Variants in DPP10 observed in about 807,000 individuals in gnomAD.
The protein encoded by DPP10 is inactive dipeptidyl peptidase 10.
DPP10 carries 33 observed loss-of-function variants against 120.9 expected under a neutral mutation model. The observed-to-expected ratio is 0.27, with a 90% CI of 0.21 to 0.37. The LOEUF (loss-of-function observed/expected upper bound fraction) is 0.37, where lower values mean the gene tolerates loss of function less well. Ranked by LOEUF, DPP10 falls within the 10% of genes least tolerant of loss-of-function variation. DPP10 has a pLI of 1.00. For synonymous variants in DPP10, 337 were observed against 326.1 expected (o/e 1.03, Z -0.36); for missense variants, 816 against 942.8 (o/e 0.87, Z 1.76).
chr2:114,957,484 T>G (rs1698299317), intron 1 of DPP10, among the ~76,000 whole-genome samples: 1 of 152,114 alleles, frequency 6.6e-6, no homozygotes, highest in Admixed American at 6.5e-5. Flanking sequence ...GGGGAAACTT[T>G]GTTGTTGGTG....
chr2:114,455,094 G>T (rs1166359757), intron 1 of DPP10, among the ~76,000 whole-genome samples: 3 of 151,254 alleles, frequency 2.0e-5, no homozygotes, highest in Admixed American at 6.6e-5. Flanking sequence ...TCCAGAAGAC[G>T]ATATCACTAT....
intron 1 of DPP10, among the ~76,000 whole-genome samples, chr2:114,721,508 A>G (rs71418512): frequency 0.043 from 6,555 of 152,322 alleles, 167 homozygotes; most frequent in South Asian, 0.094. Flanking sequence ...GCAAAGAAGC[A>G]TAACTGACTT....
At chr2:114,785,250 A>AT (rs34861451) in intron 1 of DPP10, among the ~76,000 whole-genome samples, 58,748 of 147,832 alleles carry the variant, frequency 0.4, 11,689 homozygotes, top group African/African-American at 0.45. Context: ...GCTTTGCTGG[A>AT]TTTTTTTTTT....
At chr2:115,307,296 T>G (rs1487699787) in intron 1 of DPP10, among the ~76,000 whole-genome samples, 1 of 152,062 alleles carries the variant, frequency 6.6e-6, no homozygotes, top group Non-Finnish European at 1.5e-5. Context: ...AAAAACACAG[T>G]CAAAAGTCAT....
At chr2:115,428,228 T>A (rs987737592) in intron 3 of DPP10, among the ~76,000 whole-genome samples, 1 of 152,220 alleles carries the variant, frequency 6.6e-6, no homozygotes. Flanking sequence ...CCTGTCTTCT[T>A]CTGAACCCTC....
chr2:115,435,187 A>T (rs2071382190), intron 3 of DPP10, among the ~76,000 whole-genome samples: 1 of 151,762 alleles, frequency 6.6e-6, no homozygotes, highest in Admixed American at 6.6e-5. Context: ...TTCCTTTCTT[A>T]GGCTGTGTAC....
chr2:115,683,037 G>T (rs1034353711), intron 5 of DPP10, among the ~76,000 whole-genome samples: 23 of 151,664 alleles, frequency 1.5e-4, no homozygotes, highest in African/African-American at 5.6e-4. Flanking sequence ...GTTTTGTGAC[G>T]GTCAGTTTTG....
rs571945291 is a variant in DPP10, at chr2:115,345,905, G to A, written c.271+1993G>A. Among the ~76,000 whole-genome samples, 230 of 152,000 alleles carry A rather than the reference G, an allele frequency of 1.5e-3. 1 individual carries two copies. The highest frequency in any genetic ancestry group is 2.5e-3 in the Admixed American group (38 of 15,252). On this transcript the variant is annotated intron_variant, in intron 3 of 25. Transcript: ENST00000410059. Reference sequence around the variant, plus strand: ...AAATTTGATCCTAAGAAGGCATCTGGGACAAAGCTGCAGTGTTATTATAAT... The same window carrying A: ...AAATTTGATCCTAAGAAGGCATCTGAGACAAAGCTGCAGTGTTATTATAAT...
chr2:115,143,267 T>C (rs963553242), intron 1 of DPP10, among the ~76,000 whole-genome samples: 6 of 152,290 alleles, frequency 3.9e-5, no homozygotes, highest in Admixed American at 1.3e-4. Context: ...TTATACCTAC[T>C]GGTAAAGTCC....
intron 1 of DPP10, among the ~76,000 whole-genome samples, chr2:114,716,433 A>G (rs1248263762): frequency 6.6e-6 from 1 of 152,208 alleles, no homozygotes; most frequent in Non-Finnish European, 1.5e-5. Flanking sequence ...CGAAAACAAT[A>G]ATGTAATACC....
chr2:115,570,978 G>A (rs2081304613), intron 5 of DPP10, among the ~76,000 whole-genome samples: 1 of 152,086 alleles, frequency 6.6e-6, no homozygotes, highest in Non-Finnish European at 1.5e-5. Context: ...GGAGTCGGTG[G>A]GCATTAACCA....
At chr2:115,817,030 T>C (rs955701017) in intron 21 of DPP10, among the ~76,000 whole-genome samples, 19 of 151,114 alleles carry the variant, frequency 1.3e-4, no homozygotes, top group Non-Finnish European at 2.2e-4. Context: ...GGGAGGATCA[T>C]GAGGTCAGGA....
intron 7 of DPP10, among the ~76,000 whole-genome samples, chr2:115,691,876 T>G (rs924782762): frequency 6.6e-6 from 1 of 152,150 alleles, no homozygotes; most frequent in African/African-American, 2.4e-5. Flanking sequence ...AATTTACACT[T>G]TATCATTTTG....
At chr2:114,442,993 ATGTGTG>A (rs1204585106) in intron 1 of DPP10, among the ~76,000 whole-genome samples, 155 bp downstream of exon 1, 2 of 151,948 alleles carry the variant, frequency 1.3e-5, no homozygotes, top group Non-Finnish European at 2.9e-5. Flanking sequence ...TTGGCTCTGC[ATGTGTG>A]TGTAGACTGG....
chr2:115,184,097 A>C (rs2054267070), intron 1 of DPP10, among the ~76,000 whole-genome samples: 2 of 152,172 alleles, frequency 1.3e-5, no homozygotes, highest in South Asian at 4.1e-4. Flanking sequence ...GAACTCAACG[A>C]CTTCTTGAAT....
At chr2:115,423,987 G>A (rs2070225066) in intron 3 of DPP10, among the ~76,000 whole-genome samples, 1 of 152,140 alleles carries the variant, frequency 6.6e-6, no homozygotes, top group Non-Finnish European at 1.5e-5. Flanking sequence ...TTCCAGGGAA[G>A]ATTGTCTTCA....
chr2:114,805,152 T>C (rs4849352), intron 1 of DPP10, among the ~76,000 whole-genome samples: 85,837 of 152,104 alleles, frequency 0.56, 25,623 homozygotes, highest in East Asian at 0.81. Context: ...TTTCACCTCC[T>C]GCCATGATTC....
intron 1 of DPP10, among the ~76,000 whole-genome samples, chr2:115,247,630 A>G (rs2058591022): frequency 6.6e-6 from 1 of 152,088 alleles, no homozygotes; most frequent in African/African-American, 2.4e-5. Flanking sequence ...CTCTTGCCCC[A>G]AGAGAGTCAG....
chr2:114,927,927 G>C (rs1695759577), intron 1 of DPP10, among the ~76,000 whole-genome samples: 1 of 152,004 alleles, frequency 6.6e-6, no homozygotes, highest in South Asian at 2.1e-4. Flanking sequence ...GGAGGTTCTA[G>C]GCTCTTTTTA....
Sources: allele counts gnomAD v4.1 joint callset (sites outside exome capture counted in the v4.1 genomes callset), GRCh38; gene constraint gnomAD v4.1.1; transcripts MANE v1.5; gene names NCBI Gene and HGNC (gene_info 2026-07-23, HGNC 2026-07-21).